The following TACR1 variants were observed in gnomAD, a reference collection of about 807,000 sequenced individuals.
The protein encoded by TACR1 is tachykinin receptor 1, also known as substance-P receptor.
TACR1 carries 25 observed loss-of-function variants against 35.8 expected under a neutral mutation model. That is an observed-to-expected ratio of 0.70 (90% confidence interval 0.51 to 0.98). TACR1 has a LOEUF of 0.98. Among genes scored for constraint, TACR1 ranks in the 50% least tolerant of loss-of-function variants. The pLI is 0.00. For missense variants in TACR1, 478 were observed against 522.9 expected, an observed-to-expected ratio of 0.91 and a Z score of 0.84; for synonymous variants, 195 against 206.7, an observed-to-expected ratio of 0.94 and a Z score of 0.48.
chr2:75,171,635 C>A (rs371323906), intron 1 of TACR1, among the ~76,000 whole-genome samples: 2 of 152,328 alleles, frequency 1.3e-5, no homozygotes, highest in East Asian at 3.9e-4. Flanking sequence ...TGCAAAGCCA[C>A]AGGAGCAGAG....
chr2:75,170,261 G>GT (rs1335382914), intron 1 of TACR1, among the ~76,000 whole-genome samples: 1 of 152,074 alleles, frequency 6.6e-6, no homozygotes, highest in Non-Finnish European at 1.5e-5. Context: ...AGATATGATG[G>GT]TTTTATAAAG....
intron 2 of TACR1, among the ~76,000 whole-genome samples, chr2:75,091,286 T>A (rs912464302): frequency 1.4e-5 from 2 of 147,620 alleles, no homozygotes; most frequent in Non-Finnish European, 3.0e-5. Flanking sequence ...GGGAAATTAC[T>A]CAACCATTCT....
At chr2:75,132,173 A>G (rs1032398501) in intron 1 of TACR1, among the ~76,000 whole-genome samples, 3 of 152,218 alleles carry the variant, frequency 2.0e-5, no homozygotes, top group Non-Finnish European at 4.4e-5. Flanking sequence ...CTCTATCAAA[A>G]TAAAGTATAA....
chr2:75,119,491 A>G (rs947958006), intron 2 of TACR1, among the ~76,000 whole-genome samples: 11 of 152,246 alleles, frequency 7.2e-5, no homozygotes, highest in Admixed American at 7.2e-4. Flanking sequence ...AAAGATCCAC[A>G]TTATCCATGT....
At chr2:75,058,852 T>C (rs939726471) in intron 2 of TACR1, among the ~76,000 whole-genome samples, 1 of 152,228 alleles carries the variant, frequency 6.6e-6, no homozygotes, top group African/African-American at 2.4e-5. Context: ...AGTGGGATCA[T>C]TGTTGAAAGC....
intron 1 of TACR1, among the ~76,000 whole-genome samples, chr2:75,166,719 T>C (rs1423697173): frequency 6.6e-6 from 1 of 152,218 alleles, no homozygotes; most frequent in African/African-American, 2.4e-5. Flanking sequence ...TTGCAAAATG[T>C]AAAACTTGGA....
chr2:75,084,672 A>T (rs1477037677), intron 2 of TACR1, among the ~76,000 whole-genome samples: 1 of 152,184 alleles, frequency 6.6e-6, no homozygotes, highest in Non-Finnish European at 1.5e-5. Context: ...GTATGTGTCG[A>T]GGAATTTATC....
intron 1 of TACR1, among the ~76,000 whole-genome samples, chr2:75,159,023 C>T (rs1674936813): frequency 6.7e-6 from 1 of 149,142 alleles, no homozygotes; most frequent in South Asian, 2.2e-4. Flanking sequence ...ACAACCACTA[C>T]CTGGTAAAAT....
chr2:75,131,055 A>G (rs1363151075), intron 1 of TACR1, among the ~76,000 whole-genome samples: 2 of 152,120 alleles, frequency 1.3e-5, no homozygotes, highest in African/African-American at 4.8e-5. Flanking sequence ...GAGTTTTCAA[A>G]TAGAAAATCA....
intron 1 of TACR1, among the ~76,000 whole-genome samples, chr2:75,147,053 A>G (rs556946914): frequency 6.6e-6 from 1 of 152,232 alleles, no homozygotes; most frequent in Non-Finnish European, 1.5e-5. Context: ...AATGTTTTGC[A>G]ATACTGTGCA....
At chr2:75,104,602 C>A (rs1673604406) in intron 2 of TACR1, among the ~76,000 whole-genome samples, 2 of 152,030 alleles carry the variant, frequency 1.3e-5, no homozygotes, top group African/African-American at 4.8e-5. Context: ...TTCAAGCACA[C>A]ACAGAATACT....
rs201432243 is a variant in TACR1 at position 75,094,864 on chromosome 2, T to A, written c.584+25710A>T. On this transcript the variant is annotated intron_variant, in intron 2 of 4. Transcript: ENST00000305249. ...ATATATATATATATATATATATTTTTTTTTTTTTTGCCCAAGATGGCAAAG... is the reference window on the plus strand; with the variant it reads ...ATATATATATATATATATATATTTTATTTTTTTTTGCCCAAGATGGCAAAG... 3.5e-3 allele frequency among the ~76,000 whole-genome samples: 432 copies of A among 123,796 alleles called. 8 individuals are homozygous for A. The highest frequency in any genetic ancestry group is 8.9e-3 in the East Asian group (36 of 4,024). The allele number at this position is 123,796 out of a possible 152,430, so 81.2% of individuals were successfully genotyped here.
intron 1 of TACR1, among the ~76,000 whole-genome samples, chr2:75,128,654 A>AT (rs1572946213): frequency 6.6e-6 from 1 of 151,862 alleles, no homozygotes; most frequent in Non-Finnish European, 1.5e-5. Context: ...CAGAGCGCGC[A>AT]TTTTTTTCTC....
At chr2:75,122,259 G>C (rs1416502847) in intron 1 of TACR1, among the ~76,000 whole-genome samples, 2 of 152,208 alleles carry the variant, frequency 1.3e-5, no homozygotes, top group African/African-American at 4.8e-5. Flanking sequence ...CAGGTGTGCT[G>C]GATTTGGGGT....
At chr2:75,058,181 A>G (rs114957142) in intron 2 of TACR1, among the ~76,000 whole-genome samples, 2,122 of 152,364 alleles carry the variant, frequency 0.014, 57 homozygotes, top group African/African-American at 0.048. Context: ...AAGTGAATGT[A>G]GGTCAAATCA....
intron 1 of TACR1, among the ~76,000 whole-genome samples, chr2:75,133,989 C>T (rs749400077): frequency 4.6e-5 from 7 of 152,130 alleles, no homozygotes; most frequent in Non-Finnish European, 7.4e-5. Flanking sequence ...GACTTCTGGT[C>T]GTCCTCACTG....
At chr2:75,194,092 T>C (rs1675910857) in intron 1 of TACR1, among the ~76,000 whole-genome samples, 1 of 152,216 alleles carries the variant, frequency 6.6e-6, no homozygotes, top group Admixed American at 6.5e-5. Flanking sequence ...ATTCAAACTA[T>C]GATTTCTTCC....
At chr2:75,095,220 A>C (rs1673398764) in intron 2 of TACR1, among the ~76,000 whole-genome samples, 1 of 151,880 alleles carries the variant, frequency 6.6e-6, no homozygotes, top group Non-Finnish European at 1.5e-5. Context: ...GCTGGATTTC[A>C]CCCTTTTCTT....
At chr2:75,071,697 A>G (rs1028255956) in intron 2 of TACR1, among the ~76,000 whole-genome samples, 2 of 152,248 alleles carry the variant, frequency 1.3e-5, no homozygotes, top group South Asian at 4.1e-4. Context: ...CTATGAAATT[A>G]AGCACAAACT....
Sources: allele counts gnomAD v4.1 joint callset (sites outside exome capture counted in the v4.1 genomes callset), GRCh38; gene constraint gnomAD v4.1.1; transcripts MANE v1.5; gene names NCBI Gene and HGNC (gene_info 2026-07-23, HGNC 2026-07-21).